The following SLC24A2 variants were observed in gnomAD, a reference collection of about 807,000 sequenced individuals.
SLC24A2 encodes the protein solute carrier family 24 member 2.
SLC24A2 carries 36 observed loss-of-function variants against 62.0 expected under a neutral mutation model. The ratio of observed to expected loss-of-function variants is 0.58; its 90% CI spans 0.44 to 0.77. The LOEUF is 0.77. SLC24A2 is among the 30% of genes least tolerant of loss of function. The probability of loss-of-function intolerance (pLI) is 0.00; values close to 1 mark genes in which losing one functional copy is unlikely to be tolerated. For synonymous variants in SLC24A2, 358 were observed against 294.0 expected (o/e 1.22, Z -2.23); for missense variants, 846 against 817.9 (o/e 1.03, Z -0.42).
chr9:20,233,298 G>A, the SLC24A2 span, among the ~76,000 whole-genome samples: 23 of 152,132 alleles, frequency 1.5e-4, no homozygotes, highest in Admixed American at 9.2e-4. Context: ...TTTCTGTCTC[G>A]TTGATCTGTC....
chr9:20,027,662 A>AG, the SLC24A2 span, among the ~76,000 whole-genome samples: 95 of 152,254 alleles, frequency 6.2e-4, no homozygotes, highest in East Asian at 0.014. Flanking sequence ...GAAGGGAAGG[A>AG]GGGATGGGGA....
rs894537196 is a variant in SLC24A2 at position 19,788,784 on chromosome 9, T to A, written c.-154+101A>T. 18 of 985,272 alleles carry A rather than the reference T, an allele frequency of 1.8e-5. No individual in the cohort carries two copies. In the African/African-American group the frequency reaches 3.0e-4, roughly 16 times the overall value. The allele number at this position is 985,272 out of a possible 1,614,324, so 61.0% of individuals were successfully genotyped here. A position where few individuals can be genotyped will look rare whatever the true frequency, so the allele number is the denominator to read the frequency against. Reference sequence around the variant, plus strand: ...CGCCCACATCCACGGCAGAGCCACCTGTGAGCCTGCAGAGCAGCAACGGGA... The same window carrying A: ...CGCCCACATCCACGGCAGAGCCACCAGTGAGCCTGCAGAGCAGCAACGGGA... On this transcript the variant is annotated intron_variant, in intron 1 of 10. Transcript: ENST00000341998.
At chr9:20,104,534 G>A in the SLC24A2 span, among the ~76,000 whole-genome samples, 10 of 152,298 alleles carry the variant, frequency 6.6e-5, no homozygotes, top group Middle Eastern at 3.4e-3. Flanking sequence ...AAGAGAGTGG[G>A]GGCCAATATT....
chr9:19,552,503 C>T (rs1273773690), intron 7 of SLC24A2, among the ~76,000 whole-genome samples: 1 of 152,160 alleles, frequency 6.6e-6, no homozygotes, highest in Non-Finnish European at 1.5e-5. Flanking sequence ...AATACCCCAT[C>T]TCACATGAGA....
the SLC24A2 span, among the ~76,000 whole-genome samples, chr9:19,931,902 G>A: frequency 1.3e-5 from 2 of 151,732 alleles, no homozygotes; most frequent in African/African-American, 4.8e-5. Flanking sequence ...ACTGAACTGG[G>A]TTTTTAATTT....
intron 2 of SLC24A2, among the ~76,000 whole-genome samples, chr9:19,652,566 T>C (rs1818832551): frequency 6.6e-6 from 1 of 152,098 alleles, no homozygotes; most frequent in Non-Finnish European, 1.5e-5. Flanking sequence ...CACTAGAAGA[T>C]TGAAGAGGCA....
At chr9:19,642,719 C>T (rs1468487797) in intron 2 of SLC24A2, among the ~76,000 whole-genome samples, 3 of 124,580 alleles carry the variant, frequency 2.4e-5, no homozygotes, top group African/African-American at 9.5e-5. Flanking sequence ...CTCGCTCTTT[C>T]GCCCAGTCTG....
chr9:20,105,117 G>A, the SLC24A2 span, among the ~76,000 whole-genome samples: 2 of 152,274 alleles, frequency 1.3e-5, no homozygotes, highest in East Asian at 1.9e-4. Context: ...TTACATAATG[G>A]TAAAGGGATC....
chr9:19,604,541 G>T (rs144274334), intron 4 of SLC24A2, among the ~76,000 whole-genome samples: 134 of 152,222 alleles, frequency 8.8e-4, no homozygotes, highest in African/African-American at 3.0e-3. Flanking sequence ...CAGCTATTGG[G>T]TCAGCAAAGC....
At chr9:20,021,757 A>C in the SLC24A2 span, among the ~76,000 whole-genome samples, 1 of 151,880 alleles carries the variant, frequency 6.6e-6, no homozygotes, top group African/African-American at 2.4e-5. Flanking sequence ...TACACCTAAT[A>C]ATCATTTACT....
the SLC24A2 span, among the ~76,000 whole-genome samples, chr9:19,922,645 AAC>A: frequency 2.6e-5 from 4 of 152,318 alleles, no homozygotes; most frequent in East Asian, 7.7e-4. Context: ...CGAGCATCCT[AAC>A]AGTCACTGTA....
chr9:20,002,631 A>C, the SLC24A2 span, among the ~76,000 whole-genome samples: 1 of 151,910 alleles, frequency 6.6e-6, no homozygotes, highest in Non-Finnish European at 1.5e-5. Flanking sequence ...TTGAGAGCTC[A>C]CTCTCTTAAC....
chr9:19,785,858 A>G, intron 2 of SLC24A2, 79 bp downstream of exon 2: 4 of 1,585,416 alleles, frequency 2.5e-6, no homozygotes, highest in South Asian at 2.2e-5. Flanking sequence ...TCACATCAAA[A>G]GAACTGCAGA....
chr9:20,200,549 T>C, the SLC24A2 span, among the ~76,000 whole-genome samples: 1 of 152,132 alleles, frequency 6.6e-6, no homozygotes, highest in East Asian at 1.9e-4. Context: ...AGAGGGAAAG[T>C]AGAAATAGAG....
the SLC24A2 span, among the ~76,000 whole-genome samples, chr9:19,904,998 C>G: frequency 2.0e-5 from 3 of 152,042 alleles, no homozygotes; most frequent in Non-Finnish European, 1.5e-5. Context: ...CACTGGGTCT[C>G]AAAGTATAAT....
chr9:19,731,709 T>C (rs767217419), intron 2 of SLC24A2, among the ~76,000 whole-genome samples: 24 of 152,214 alleles, frequency 1.6e-4, no homozygotes, highest in Non-Finnish European at 3.1e-4. Context: ...TGGTATTTTC[T>C]TATAGCAGCC....
the SLC24A2 span, among the ~76,000 whole-genome samples, chr9:20,244,681 G>T: frequency 1.3e-5 from 2 of 152,150 alleles, no homozygotes; most frequent in Non-Finnish European, 2.9e-5. Context: ...CCATCTTTAT[G>T]CATTCATAGT....
the SLC24A2 span, among the ~76,000 whole-genome samples, chr9:20,158,656 G>GA: frequency 4.6e-5 from 7 of 151,376 alleles, no homozygotes; most frequent in Non-Finnish European, 8.9e-5. Context: ...CAGACATATT[G>GA]AAAAAAGGTA....
At chr9:20,175,287 A>C in the SLC24A2 span, among the ~76,000 whole-genome samples, 1 of 151,906 alleles carries the variant, frequency 6.6e-6, no homozygotes, top group Non-Finnish European at 1.5e-5. Flanking sequence ...TGCAGTGTAC[A>C]CTGCTCAGAT....
Sources: gnomAD v4.1 joint callset for allele counts (sites outside exome capture counted in the v4.1 genomes callset) on GRCh38, gnomAD v4.1.1 for gene constraint, MANE v1.5 for transcripts, NCBI Gene and HGNC (gene_info 2026-07-23, HGNC 2026-07-21) for gene names.